The following ATP13A4 variants were observed in gnomAD, a reference collection of about 807,000 sequenced individuals.
The protein encoded by ATP13A4 is ATPase 13A4, also known as probable cation-transporting ATPase 13A4.
A neutral mutation model predicts 142.5 loss-of-function variants in ATP13A4; 114 were observed. The observed-to-expected ratio is 0.80, with a 90% CI of 0.69 to 0.93. ATP13A4 has a LOEUF of 0.93. Among genes scored for constraint, ATP13A4 ranks in the 40% least tolerant of loss-of-function variants. The pLI, the probability that ATP13A4 is intolerant of heterozygous loss-of-function variation, is 0.00. For synonymous variants in ATP13A4, 488 were observed against 514.8 expected, an observed-to-expected ratio of 0.95 and a Z score of 0.70; for missense variants, 1,392 against 1,454.0, an observed-to-expected ratio of 0.96 and a Z score of 0.69.
intron 8 of ATP13A4, among the ~76,000 whole-genome samples, chr3:193,475,861 A>C (rs1343423870): frequency 6.6e-6 from 1 of 151,980 alleles, no homozygotes; most frequent in African/African-American, 2.4e-5. Flanking sequence ...AACCATCTTA[A>C]ATTGTTTTTA....
Position 193,402,883 on chromosome 3 carries a change from A to G in ATP13A4, c.3379-19T>C. On this transcript the variant is annotated intron_variant, in intron 29 of 29. Coordinates refer to ENST00000342695, the MANE Select transcript of ATP13A4 (RefSeq NM_032279.4). Reference sequence around the variant, plus strand: ...CAGCCTCCTGCAAAATAAAATAATTACTTTTTACAAGCAAGGGTTGAGTGT... The same window carrying G: ...CAGCCTCCTGCAAAATAAAATAATTGCTTTTTACAAGCAAGGGTTGAGTGT... The G allele has an allele frequency of 3.1e-6, 5 of 1,609,442 alleles. No homozygotes were observed. Among genetic ancestry groups the G allele is most frequent in the Non-Finnish European group, 4.2e-6 (5 of 1,176,982 alleles).
intron 16 of ATP13A4, among the ~76,000 whole-genome samples, chr3:193,454,609 G>A (rs1483903314): frequency 6.6e-6 from 1 of 152,142 alleles, no homozygotes; most frequent in Non-Finnish European, 1.5e-5. Flanking sequence ...ACAAAAATAA[G>A]CATGGGGAAA....
chr3:193,502,857 C>T (rs1304323519), intron 2 of ATP13A4, among the ~76,000 whole-genome samples: 2 of 152,170 alleles, frequency 1.3e-5, no homozygotes, highest in Non-Finnish European at 2.9e-5. Flanking sequence ...AGATGAGGCA[C>T]TGACACATAA....
At chr3:193,542,088 G>C (rs756825774) in intron 1 of ATP13A4, among the ~76,000 whole-genome samples, 2 of 152,132 alleles carry the variant, frequency 1.3e-5, no homozygotes, top group African/African-American at 2.4e-5. Context: ...CATCATCTCA[G>C]CCCAAAAGCT....
At chr3:193,558,962 G>A (rs1409334083), upstream of ATP13A4, among the ~76,000 whole-genome samples, 1 of 152,166 alleles carries the variant, frequency 6.6e-6, no homozygotes, top group Non-Finnish European at 1.5e-5. Context: ...TTAGGAGCAT[G>A]CCTGTTGTTC....
chr3:193,464,893 C>G (rs777070993), intron 12 of ATP13A4, 47 bp downstream of exon 12: 1 of 1,586,604 alleles, frequency 6.3e-7, no homozygotes, highest in Admixed American at 1.7e-5. Flanking sequence ...TACATGATGA[C>G]AGCAATGGTA....
chr3:193,546,517 C>T (rs1560274390), intron 1 of ATP13A4, among the ~76,000 whole-genome samples: 1 of 152,162 alleles, frequency 6.6e-6, no homozygotes, highest in African/African-American at 2.4e-5. Context: ...TAGACTGAAA[C>T]CCTGGTGTTT....
At chr3:193,467,579 T>C in intron 9 of ATP13A4, 93 bp from the exon 10 acceptor site, 1 of 1,317,312 alleles carries the variant, frequency 7.6e-7, no homozygotes, top group Non-Finnish European at 1.1e-6. Context: ...AGACATTTTT[T>C]TTGTGAGCCT....
At chr3:193,480,305 C>A (rs1232119631) in intron 8 of ATP13A4, among the ~76,000 whole-genome samples, 1 of 152,124 alleles carries the variant, frequency 6.6e-6, no homozygotes, top group Non-Finnish European at 1.5e-5. Context: ...AAAGCTTCTG[C>A]ACAGCAAAAG....
chr3:193,469,461 A>C (rs896053125), intron 9 of ATP13A4, among the ~76,000 whole-genome samples: 5 of 152,172 alleles, frequency 3.3e-5, no homozygotes, highest in African/African-American at 1.2e-4. Flanking sequence ...CGCCACCTCT[A>C]CTAAAAATAC....
At position 193,399,671 on chromosome 3, in the gene ATP13A4, ACC is replaced by A. The variant is rs1714201141; in HGVS notation, c.*2979_*2980del. 6.6e-6 allele frequency among the ~76,000 whole-genome samples: 1 copy of A among 151,766 alleles called. No individual in the cohort carries two copies. Among genetic ancestry groups the A allele is most frequent in the Non-Finnish European group, 1.5e-5 (1 of 67,952 alleles). ...AAACCACCCTGGCTAACATGATGAA[ACC>A]CCATCTCTACTAAAAATACAAAAAA... On this transcript the variant is annotated 3_prime_UTR_variant, in exon 30 of 30. Transcript: ENST00000342695.
chr3:193,484,066 T>A, intron 7 of ATP13A4, 61 bp from the exon 8 acceptor site: 2 of 1,401,448 alleles, frequency 1.4e-6, no homozygotes, highest in Non-Finnish European at 1.0e-6. Flanking sequence ...TAGGTATTAT[T>A]AAGGTGCTAG....
chr3:193,485,238 T>C (rs894027081), intron 7 of ATP13A4, among the ~76,000 whole-genome samples: 1 of 151,832 alleles, frequency 6.6e-6, no homozygotes, highest in Admixed American at 6.6e-5. Context: ...GCAAGGGAGA[T>C]GCTGGGTGAA....
intron 1 of ATP13A4, chr3:193,554,530 A>C: frequency 1.6e-6 from 1 of 634,560 alleles, no homozygotes; most frequent in Non-Finnish European, 2.8e-6. Context: ...CAATATTTTC[A>C]TTCTAGCAAA....
At chr3:193,462,909 C>A in intron 12 of ATP13A4, 86 bp from the exon 13 acceptor site, 3 of 1,361,310 alleles carry the variant, frequency 2.2e-6, no homozygotes, top group Non-Finnish European at 3.1e-6. Context: ...CTACGGGAGG[C>A]GGAGGCAAGA....
At position 193,509,658 on chromosome 3, in the gene ATP13A4, C is replaced by T. The variant is rs576880151; in HGVS notation, c.234+5040G>A. ...TAATACACGGTAAAAAGCACTACAG[C>T]GGTCACAAATGAAAACACAGAGCTA... On this transcript the variant is annotated intron_variant, in intron 2 of 29. Transcript: ENST00000342695. Among the ~76,000 whole-genome samples the T allele has an allele frequency of 4.6e-5, 7 of 152,290 alleles. No individual in the cohort carries two copies. The South Asian group carries it at 8.3e-4, about 18-fold the overall frequency.
chr3:193,414,300 C>G (rs1714935529), intron 26 of ATP13A4, among the ~76,000 whole-genome samples: 2 of 152,120 alleles, frequency 1.3e-5, no homozygotes, highest in South Asian at 4.1e-4. Flanking sequence ...TGGGGCTGCT[C>G]AGGCAAATTA....
chr3:193,475,307 C>A (rs910692456), intron 8 of ATP13A4, among the ~76,000 whole-genome samples: 2 of 151,988 alleles, frequency 1.3e-5, no homozygotes, highest in African/African-American at 4.8e-5. Context: ...GAGTACCATG[C>A]AGCTGAAATA....
At position 193,519,204 on chromosome 3, in the gene ATP13A4, T is replaced by G. The variant is rs1179686964; in HGVS notation, c.61-4333A>C. Among the ~76,000 whole-genome samples, 4 of 152,106 alleles carry G rather than the reference T, an allele frequency of 2.6e-5. 1 individual carries two copies. The highest frequency in any genetic ancestry group is 5.9e-5 in the Non-Finnish European group (4 of 68,012). On this transcript the variant is annotated intron_variant, in intron 1 of 29. Transcript: ENST00000342695. ...CTTCAGCACCCAAAGAACTAGAAAA[T>G]TTTGATTTTGAAACCCATGGTAAAA...
Sources: allele counts gnomAD v4.1 joint callset (sites outside exome capture counted in the v4.1 genomes callset), GRCh38; gene constraint gnomAD v4.1.1; transcripts MANE v1.5; gene names NCBI Gene and HGNC (gene_info 2026-07-23, HGNC 2026-07-21).